ANKS1A: variants seen among roughly 807,000 people sequenced by gnomAD.
The protein encoded by ANKS1A is ankyrin repeat and sterile alpha motif domain containing 1A.
A neutral mutation model predicts 120.3 loss-of-function variants in ANKS1A; 55 were observed. That is an observed-to-expected ratio of 0.46 (90% CI 0.37 to 0.57). The LOEUF (loss-of-function observed/expected upper bound fraction) is 0.57. Ranked by LOEUF, ANKS1A falls within the 20% of genes least tolerant of loss-of-function variation. The probability of loss-of-function intolerance (pLI) is 0.00; values close to 1 mark genes in which losing one functional copy is unlikely to be tolerated. For synonymous variants in ANKS1A, 590 were observed against 604.7 expected, an observed-to-expected ratio of 0.98 and a Z score of 0.36; for missense variants, 1,123 against 1,480.3, an observed-to-expected ratio of 0.76 and a Z score of 3.96.
chr6:35,037,865 A>G (rs1381550418), intron 11 of ANKS1A, among the ~76,000 whole-genome samples: 1 of 152,150 alleles, frequency 6.6e-6, no homozygotes, highest in Non-Finnish European at 1.5e-5. Context: ...TGGAGGGAAC[A>G]TGGGCAGGCA....
At position 35,052,943 on chromosome 6, in the gene ANKS1A, G is replaced by C. The variant is rs113952971; in HGVS notation, c.2011-1156G>C. ...TTGCAGTCTGGTTAACAGGCAGTCA[G>C]ATGACAGCCTGAGCCAGCAGTCGAT... On this transcript the variant is annotated intron_variant, in intron 11 of 23. Transcript: ENST00000360359. 7.4e-3 allele frequency among the ~76,000 whole-genome samples: 1,132 copies of C among 152,264 alleles called. 3 individuals are homozygous for C. The highest frequency in any genetic ancestry group is 0.017 in the South Asian group (82 of 4,824).
intron 1 of ANKS1A, among the ~76,000 whole-genome samples, chr6:34,964,399 T>A (rs1241984069): frequency 6.6e-6 from 1 of 152,194 alleles, no homozygotes; most frequent in Non-Finnish European, 1.5e-5. Context: ...AGAGATTTTC[T>A]TCCCCAGAGG....
chr6:35,004,713 AAGACCAAC>A (rs1773361759), intron 10 of ANKS1A, among the ~76,000 whole-genome samples: 1 of 152,148 alleles, frequency 6.6e-6, no homozygotes, highest in Admixed American at 6.5e-5. Context: ...CCAGGGGTTC[AAGACCAAC>A]CTGGCAACAT....
chr6:34,927,599 C>G (rs111416756), intron 1 of ANKS1A, among the ~76,000 whole-genome samples: 99 of 152,112 alleles, frequency 6.5e-4, no homozygotes, highest in African/African-American at 2.2e-3. Flanking sequence ...GGAAAGCCAG[C>G]CAGGAAGCCG....
intron 11 of ANKS1A, among the ~76,000 whole-genome samples, chr6:35,034,732 A>G (rs1329280148): frequency 2.0e-5 from 3 of 152,202 alleles, no homozygotes; most frequent in African/African-American, 4.8e-5. Flanking sequence ...TGTGCTAGAA[A>G]AGGAAATAAA....
At chr6:34,906,706 A>G (rs1327258333) in intron 1 of ANKS1A, among the ~76,000 whole-genome samples, 1 of 152,236 alleles carries the variant, frequency 6.6e-6, no homozygotes, top group Non-Finnish European at 1.5e-5. Context: ...GTGAAAGCTG[A>G]AGGAGAAACA....
In ANKS1A at chr6:34,982,912, G is replaced by A; in HGVS notation, c.808+85G>A. ...TAGTCCCCTAGGGGGATTTTTGCTG[G>A]CTGTGTTTGAACTCAATGTATGTGT... On this transcript the variant is annotated intron_variant, in intron 5 of 23. Transcript: ENST00000360359. The surrounding 1 kb of genome is among the most constrained non-coding windows in gnomAD (Gnocchi z 4.9). 6.4e-7 allele frequency: 1 copy of A among 1,556,356 alleles called. No individual in the cohort carries two copies. The highest frequency in any genetic ancestry group is 2.2e-5 in the East Asian group (1 of 44,494).
chr6:34,987,721 G>T (rs549910847), intron 8 of ANKS1A, among the ~76,000 whole-genome samples: 1 of 152,248 alleles, frequency 6.6e-6, no homozygotes, highest in Non-Finnish European at 1.5e-5. Flanking sequence ...GAGAGATTAT[G>T]GATGCCAAAA....
chr6:35,077,945 G>A (rs926977084), intron 13 of ANKS1A, among the ~76,000 whole-genome samples: 1 of 152,208 alleles, frequency 6.6e-6, no homozygotes, highest in East Asian at 1.9e-4. Flanking sequence ...CGCTGCAGGT[G>A]GGCGCTCCGT....
rs1411873982 is a variant in ANKS1A at position 35,082,648 on chromosome 6, C to T, written c.2710-43C>T. 6.3e-7 allele frequency: 1 copy of T among 1,576,118 alleles called. No homozygotes were observed. On this transcript the variant is annotated intron_variant, in intron 17 of 23. Coordinates refer to ENST00000360359, the MANE Select transcript of ANKS1A (RefSeq NM_015245.3). The surrounding 1 kb of genome is among the most constrained non-coding windows in gnomAD (Gnocchi z 4.1). ...AGCCAGGCAGCAAGCCCATGTGCTC[C>T]TCTGGAGCAAGGAGCAGGTGTCCAA... is the stretch of plus-strand genomic sequence containing the variant.
Position 35,089,521 on chromosome 6 carries a change from T to A in ANKS1A, c.*912T>A, listed in dbSNP as rs1778184507. ...TCAGCTAAGGTTGCTACTTGCCAAT[T>A]TGTGATTTGTCTAATCAGCCTGTGT... On this transcript the variant is annotated 3_prime_UTR_variant, in exon 24 of 24. Transcript: ENST00000360359. 1 of 986,382 alleles carries A rather than the reference T, an allele frequency of 1.0e-6. No individual in the cohort carries two copies. Among genetic ancestry groups the A allele is most frequent in the Admixed American group, 6.1e-5 (1 of 16,336 alleles). 61.1% of individuals were successfully genotyped at this position (986,382 alleles called of 1,614,324 possible). A position where few individuals can be genotyped will look rare whatever the true frequency, so the allele number is the denominator to read the frequency against.
In ANKS1A at chr6:35,084,086, G is replaced by C. The variant is rs1481612682; in HGVS notation, c.2995-35G>C. ...CAGGGGGTGCCAGAGGCATGCCTGAGCCTGAGAATTCCAGAACACGGCTTT... is the reference window on the plus strand; with the variant it reads ...CAGGGGGTGCCAGAGGCATGCCTGACCCTGAGAATTCCAGAACACGGCTTT... On this transcript the variant is annotated intron_variant, in intron 20 of 23. Transcript: ENST00000360359. This position sits in a 1 kb window ranked among gnomAD's most constrained non-coding sequence, Gnocchi z 4.8. 2 of 1,612,250 alleles carry C rather than the reference G, an allele frequency of 1.2e-6. No homozygotes were observed. The highest frequency in any genetic ancestry group is 1.7e-6 in the Non-Finnish European group (2 of 1,178,840).
chr6:34,937,385 C>G (rs1417268609), intron 1 of ANKS1A, among the ~76,000 whole-genome samples: 1 of 151,818 alleles, frequency 6.6e-6, no homozygotes, highest in Non-Finnish European at 1.5e-5. Flanking sequence ...TCTTAGGGCC[C>G]TTGTATGATT....
At chr6:34,929,913 T>G (rs1768902950) in intron 1 of ANKS1A, among the ~76,000 whole-genome samples, 1 of 151,994 alleles carries the variant, frequency 6.6e-6, no homozygotes, top group Admixed American at 6.6e-5. Flanking sequence ...CTATCCTTCA[T>G]TGCTTAGGCC....
chr6:34,912,145 C>T (rs867925298), intron 1 of ANKS1A, among the ~76,000 whole-genome samples: 1 of 152,134 alleles, frequency 6.6e-6, no homozygotes, highest in Non-Finnish European at 1.5e-5. Context: ...GAATGATTTG[C>T]GTGATCATTG....
chr6:35,070,962 T>G, intron 13 of ANKS1A: 1 of 595,096 alleles, frequency 1.7e-6, no homozygotes, highest in South Asian at 1.4e-5. Context: ...CCAACCACTT[T>G]CCAGGGTTTC....
chr6:34,976,777 C>T (rs201271904), intron 3 of ANKS1A, among the ~76,000 whole-genome samples: 34 of 149,276 alleles, frequency 2.3e-4, no homozygotes, highest in African/African-American at 4.7e-4. Flanking sequence ...TGTGTGTGTG[C>T]GTGTGTGTGT....
In ANKS1A at chr6:35,086,407, C is replaced by A. The variant is rs903798671; in HGVS notation, c.3303+471C>A. 3 of 1,270,522 alleles carry A rather than the reference C, an allele frequency of 2.4e-6. No homozygotes were observed. Among genetic ancestry groups the A allele is most frequent in the African/African-American group, 3.1e-5 (2 of 65,514 alleles). The allele number at this position is 1,270,522 out of a possible 1,614,324, so 78.7% of individuals were successfully genotyped here. A position where few individuals can be genotyped will look rare whatever the true frequency, so the allele number is the denominator to read the frequency against. On this transcript the variant is annotated intron_variant, in intron 22 of 23. Coordinates refer to ENST00000360359, the MANE Select transcript of ANKS1A (RefSeq NM_015245.3). This position sits in a 1 kb window ranked among gnomAD's most constrained non-coding sequence, Gnocchi z 5.1. ...CTGCTGTCTTGTGTGTCAGTCTCCC[C>A]GAAGTGACCGTGAGCGCTCTTAGCC...
chr6:34,905,357 T>G (rs1348814504), intron 1 of ANKS1A, among the ~76,000 whole-genome samples: 1 of 152,228 alleles, frequency 6.6e-6, no homozygotes, highest in Non-Finnish European at 1.5e-5. Flanking sequence ...ATGATCAAAC[T>G]TCAATGCAAA....
Sources: gnomAD v4.1 joint callset for allele counts (sites outside exome capture counted in the v4.1 genomes callset) on GRCh38, gnomAD v4.1.1 for gene constraint, Gnocchi (gnomAD v3.1) non-coding constraint, MANE v1.5 for transcripts, NCBI Gene and HGNC (gene_info 2026-07-23, HGNC 2026-07-21) for gene names.